The following NAE1 variants were observed in gnomAD, a reference collection of about 807,000 sequenced individuals.
The protein encoded by NAE1 is NEDD8 activating enzyme E1 subunit 1.
Under a neutral mutation model 88.0 loss-of-function variants are expected in NAE1, and 59 were observed. The observed-to-expected ratio is 0.67, with a 90% confidence interval of 0.54 to 0.83. The LOEUF (loss-of-function observed/expected upper bound fraction) is 0.83. Ranked by LOEUF, NAE1 falls within the 40% of genes least tolerant of loss-of-function variation. NAE1 has a pLI of 0.00. For synonymous variants in NAE1, 186 were observed against 208.9 expected (o/e 0.89, Z 0.95); for missense variants, 554 against 632.8 (o/e 0.88, Z 1.34).
In NAE1 at chr16:66,803,090, T is replaced by A; in HGVS notation, c.1524A>T (p.Ile508=). The change falls in exon 20 of 20, where the codon ATA becomes ATT. Residue 508 remains isoleucine (I), a synonymous_variant. Coordinates refer to ENST00000290810, the MANE Select transcript of NAE1 (RefSeq NM_003905.4). The stretch of plus-strand genomic sequence containing the variant: ...TAAAAATTACAAATTGTTTGGTGAT[T>A]ATTTTGATGACCTCTTGAGCAGCAG... ...GGAAAQEVIK[I]ITKQFVIFNN... The A allele has an allele frequency of 6.2e-7, 1 of 1,611,314 alleles. No homozygotes were observed. Among genetic ancestry groups the A allele is most frequent in the Non-Finnish European group, 8.5e-7 (1 of 1,178,344 alleles).
At chr16:66,809,953 C>T (rs557114925) in intron 15 of NAE1, among the ~76,000 whole-genome samples, 1 of 152,170 alleles carries the variant, frequency 6.6e-6, no homozygotes, top group African/African-American at 2.4e-5. Flanking sequence ...AACTAGATGG[C>T]AAAATTCTTA....
intron 16 of NAE1, 113 bp from the exon 17 acceptor site, chr16:66,808,726 A>G: frequency 1.2e-6 from 1 of 807,768 alleles, no homozygotes; most frequent in Non-Finnish European, 2.1e-6. Context: ...GAGTCACACA[A>G]TCTCTACTGA....
intron 17 of NAE1, among the ~76,000 whole-genome samples, chr16:66,806,840 A>G (rs929501224): frequency 3.3e-5 from 5 of 152,202 alleles, no homozygotes; most frequent in African/African-American, 1.2e-4. Flanking sequence ...CCATTTATAG[A>G]AGAGAAAACT....
chr16:66,817,205 C>A, intron 9 of NAE1, 177 bp from the exon 10 acceptor site: 1 of 941,428 alleles, frequency 1.1e-6, no homozygotes, highest in Non-Finnish European at 1.6e-6. Flanking sequence ...ACATTCATTC[C>A]CCCTGCCAGT....
At chr16:66,814,585 C>T (rs536548802) in intron 11 of NAE1, among the ~76,000 whole-genome samples, 2 of 131,402 alleles carry the variant, frequency 1.5e-5, no homozygotes, top group South Asian at 5.1e-4. Context: ...AATGTGAGAC[C>T]CTGTCTCAAA....
intron 8 of NAE1, 33 bp from the exon 9 acceptor site, chr16:66,817,520 A>G (rs1440214166): frequency 5.6e-6 from 8 of 1,418,646 alleles, no homozygotes; most frequent in Non-Finnish European, 7.7e-6. Flanking sequence ...AGAAAATATC[A>G]GTATTATGAA....
chr16:66,815,402 G>A (rs1960002900), intron 11 of NAE1, among the ~76,000 whole-genome samples: 1 of 152,162 alleles, frequency 6.6e-6, no homozygotes, highest in Admixed American at 6.5e-5. Flanking sequence ...TGCCCAGGCT[G>A]CAGTGCAGTG....
At chr16:66,818,701 G>T in intron 7 of NAE1, 64 bp from the exon 8 acceptor site, 2 of 1,508,390 alleles carry the variant, frequency 1.3e-6, no homozygotes, top group Non-Finnish European at 1.8e-6. Flanking sequence ...GAGAGATGGG[G>T]TCTTGCTGTA....
At chr16:66,808,724 CA>C in intron 16 of NAE1, 111 bp from the exon 17 acceptor site, 2 of 815,858 alleles carry the variant, frequency 2.5e-6, no homozygotes, top group Non-Finnish European at 4.1e-6. Flanking sequence ...TGGAGTCACA[CA>C]ATCTCTACTG....
chr16:66,816,363 CTA>C (rs1597044238), intron 11 of NAE1, among the ~76,000 whole-genome samples: 2 of 152,082 alleles, frequency 1.3e-5, no homozygotes, highest in African/African-American at 4.8e-5. Flanking sequence ...CGCGGTTTCA[CTA>C]TGTTGGCCAG....
chr16:66,826,095 T>C (rs1269806939), intron 3 of NAE1: 1 of 160,322 alleles, frequency 6.2e-6, no homozygotes, highest in Non-Finnish European at 1.4e-5. Flanking sequence ...AAAGTCTAAA[T>C]ATAATCTTTA....
chr16:66,808,654 C>T (rs754549391), intron 16 of NAE1, 41 bp from the exon 17 acceptor site: 2 of 1,393,240 alleles, frequency 1.4e-6, no homozygotes, highest in South Asian at 1.2e-5. Flanking sequence ...GGTTAATTTG[C>T]AATGTAACAA....
In NAE1 at chr16:66,830,939, G is replaced by T. The variant is rs752254650; in HGVS notation, c.-40C>A. On this transcript the variant is annotated 5_prime_UTR_variant, in exon 1 of 20. Transcript: ENST00000290810. Reference sequence around the variant, plus strand: ...CGCGGAAAACAGCCGAGCCCCTGCGGAGCGCCGCCACCAGCTCCACAAGCG... The same window carrying T: ...CGCGGAAAACAGCCGAGCCCCTGCGTAGCGCCGCCACCAGCTCCACAAGCG... 5.4e-6 allele frequency: 8 copies of T among 1,494,398 alleles called. No individual in the cohort carries two copies. Among genetic ancestry groups the T allele is most frequent in the South Asian group, 1.3e-5 (1 of 79,726 alleles). The allele number at this position is 1,494,398 out of a possible 1,614,324, so 92.6% of individuals were successfully genotyped here. A position where few individuals can be genotyped will look rare whatever the true frequency, so the allele number is the denominator to read the frequency against.
intron 13 of NAE1, among the ~76,000 whole-genome samples, chr16:66,811,356 C>A (rs1959792097): frequency 6.6e-6 from 1 of 152,074 alleles, no homozygotes; most frequent in South Asian, 2.1e-4. Context: ...CGGAGTTTCA[C>A]CATGTTGCCC....
chr16:66,818,496 T>A, intron 8 of NAE1, 32 bp downstream of exon 8: 5 of 1,537,620 alleles, frequency 3.3e-6, no homozygotes, highest in Non-Finnish European at 4.4e-6. Flanking sequence ...TTTAAGTCTA[T>A]CTGTAAATGT....
intron 17 of NAE1, 34 bp from the exon 18 acceptor site, chr16:66,806,060 T>C (rs1301654536): frequency 1.3e-6 from 2 of 1,571,900 alleles, no homozygotes; most frequent in Non-Finnish European, 1.7e-6. Context: ...TTAAAATAAA[T>C]GTGATTCAAA....
intron 13 of NAE1, 56 bp from the exon 14 acceptor site, chr16:66,810,828 T>C: frequency 6.6e-7 from 1 of 1,520,664 alleles, no homozygotes; most frequent in Non-Finnish European, 9.0e-7. Context: ...AAAATTTAAA[T>C]TGTTACCATG....
intron 15 of NAE1, 56 bp from the exon 16 acceptor site, chr16:66,809,131 A>G: frequency 1.5e-6 from 2 of 1,335,630 alleles, no homozygotes; most frequent in South Asian, 1.2e-5. Context: ...AATATTATGA[A>G]TCACAGGTGA....
chr16:66,826,449 G>T lies in NAE1; in HGVS notation c.218+74C>A. The T allele has an allele frequency of 2.2e-6, 3 of 1,386,992 alleles. No individual in the cohort carries two copies. The South Asian group carries it at 3.5e-5, about 16-fold the overall frequency. 85.9% of individuals were successfully genotyped at this position (1,386,992 alleles called of 1,614,324 possible). Reference sequence around the variant, plus strand: ...TTTCCACTGAGAGTCGAGTCACCCTGACTGAGGAGGTGAAGCTAAGACTCA... The same window carrying T: ...TTTCCACTGAGAGTCGAGTCACCCTTACTGAGGAGGTGAAGCTAAGACTCA... On this transcript the variant is annotated intron_variant, in intron 3 of 19. Coordinates refer to ENST00000290810, the MANE Select transcript of NAE1 (RefSeq NM_003905.4).
Sources: gnomAD v4.1 joint callset for allele counts (sites outside exome capture counted in the v4.1 genomes callset) on GRCh38, gnomAD v4.1.1 for gene constraint, MANE v1.5 for transcripts, NCBI Gene and HGNC (gene_info 2026-07-23, HGNC 2026-07-21) for gene names.